FOXP2: variants seen among roughly 807,000 people sequenced by gnomAD.
FOXP2 encodes forkhead box protein P2.
FOXP2 carries 12 observed loss-of-function variants against 115.8 expected under a neutral mutation model. The observed-to-expected ratio is 0.10, with a 90% CI of 0.07 to 0.17. The LOEUF is 0.17. Ranked by LOEUF, FOXP2 falls within the 10% of genes least tolerant of loss-of-function variation. FOXP2 has a pLI of 1.00. For missense variants in FOXP2, 629 were observed against 843.5 expected, an observed-to-expected ratio of 0.75 and a Z score of 3.15; for synonymous variants, 328 against 297.7, an observed-to-expected ratio of 1.10 and a Z score of -1.05.
intron 1 of FOXP2, among the ~76,000 whole-genome samples, chr7:114,174,766 C>A (rs1182726391): frequency 6.6e-6 from 1 of 152,066 alleles, no homozygotes; most frequent in Non-Finnish European, 1.5e-5. Context: ...TAGCAAGGCA[C>A]CAGTTTCCTG....
intron 1 of FOXP2, among the ~76,000 whole-genome samples, chr7:114,142,651 C>T (rs1234378348): frequency 6.6e-6 from 1 of 152,070 alleles, no homozygotes; most frequent in Non-Finnish European, 1.5e-5. Context: ...TCATATTCAC[C>T]TTAAACTCAA....
chr7:114,411,181 G>A (rs1793154128), upstream of FOXP2, among the ~76,000 whole-genome samples: 1 of 152,166 alleles, frequency 6.6e-6, no homozygotes, highest in East Asian at 1.9e-4. Flanking sequence ...ATCGCCAAAG[G>A]TATACCATAT....
At chr7:114,243,863 G>A (rs1395663434) in intron 1 of FOXP2, among the ~76,000 whole-genome samples, 1 of 151,758 alleles carries the variant, frequency 6.6e-6, no homozygotes, top group African/African-American at 2.4e-5. Flanking sequence ...AAGTCACTGA[G>A]CCAGATGAAG....
At chr7:114,447,574 C>G (rs550737414) in intron 2 of FOXP2, among the ~76,000 whole-genome samples, 2 of 152,266 alleles carry the variant, frequency 1.3e-5, no homozygotes, top group East Asian at 1.9e-4. Flanking sequence ...GATCTCCTAA[C>G]AAGCTGTTTT....
At chr7:114,252,270 C>T (rs1390792194) in intron 1 of FOXP2, among the ~76,000 whole-genome samples, 1 of 152,116 alleles carries the variant, frequency 6.6e-6, no homozygotes, top group Admixed American at 6.5e-5. Flanking sequence ...CGTTGTGTGT[C>T]TGCCAGGCTT....
chr7:114,098,542 CCTTAT>C (rs1461094670), intron 1 of FOXP2, among the ~76,000 whole-genome samples: 1 of 151,944 alleles, frequency 6.6e-6, no homozygotes, highest in Non-Finnish European at 1.5e-5. Flanking sequence ...GAAATTGGAC[CCTTAT>C]CTTACACCAG....
chr7:114,134,062 A>G (rs1239710084), intron 1 of FOXP2, among the ~76,000 whole-genome samples: 1 of 152,226 alleles, frequency 6.6e-6, no homozygotes, highest in East Asian at 1.9e-4. Context: ...GAAGTGTGGT[A>G]TCCTGGAAGT....
intron 2 of FOXP2, among the ~76,000 whole-genome samples, chr7:114,334,206 C>G (rs1464324954): frequency 6.6e-6 from 1 of 152,000 alleles, no homozygotes. Flanking sequence ...AACTGTGTAT[C>G]ATTGAAAGTA....
At chr7:114,139,323 A>T (rs1792137769) in intron 1 of FOXP2, among the ~76,000 whole-genome samples, 2 of 152,182 alleles carry the variant, frequency 1.3e-5, no homozygotes, top group African/African-American at 4.8e-5. Context: ...CTCAGAGAAT[A>T]GTTGTTTTCG....
chr7:114,540,547 T>G (rs975461295), intron 3 of FOXP2, among the ~76,000 whole-genome samples: 2 of 152,052 alleles, frequency 1.3e-5, no homozygotes, highest in Admixed American at 6.6e-5. Flanking sequence ...GAGGAGATAT[T>G]CAGAGTTGCA....
intron 3 of FOXP2, among the ~76,000 whole-genome samples, chr7:114,537,166 T>G (rs1436869215): frequency 6.6e-6 from 1 of 151,634 alleles, no homozygotes; most frequent in Non-Finnish European, 1.5e-5. Context: ...AAAAGTTTTC[T>G]TATATAATTC....
At chr7:114,653,425 C>A in intron 9 of FOXP2, 1 of 193,504 alleles carries the variant, frequency 5.2e-6, no homozygotes, top group South Asian at 1.0e-4. Context: ...TTCACACTGC[C>A]TGGTCTCTGT....
chr7:114,354,778 T>C lies in FOXP2; in HGVS notation c.-11+66669T>C, dbSNP rs192293476. On this transcript the variant is annotated intron_variant, in intron 2 of 17. Transcript: ENST00000634411. ...GTTGTTTTTAATCTGTTAAAAGTTTTGAAATCACATATATGTGAAAAAAGG... is the reference window on the plus strand; with the variant it reads ...GTTGTTTTTAATCTGTTAAAAGTTTCGAAATCACATATATGTGAAAAAAGG... Among the ~76,000 whole-genome samples the C allele has an allele frequency of 2.0e-5, 3 of 152,308 alleles. No individual in the cohort carries two copies. The East Asian group carries it at 5.8e-4, about 29-fold the overall frequency.
At chr7:114,245,852 T>C (rs955125898) in intron 1 of FOXP2, among the ~76,000 whole-genome samples, 3 of 152,116 alleles carry the variant, frequency 2.0e-5, no homozygotes, top group Admixed American at 6.5e-5. Context: ...AAGTTTTTTT[T>C]CCTTGCGTAT....
At chr7:114,189,349 A>C (rs1013692094) in intron 1 of FOXP2, among the ~76,000 whole-genome samples, 2 of 152,170 alleles carry the variant, frequency 1.3e-5, no homozygotes, top group Non-Finnish European at 2.9e-5. Context: ...TTATACTTAA[A>C]ACATGTTTAT....
At chr7:114,250,784 A>G (rs992626220) in intron 1 of FOXP2, among the ~76,000 whole-genome samples, 10 of 152,294 alleles carry the variant, frequency 6.6e-5, no homozygotes, top group Admixed American at 2.0e-4. Context: ...TTTGCTGTGC[A>G]GAAGCTCTTT....
intron 1 of FOXP2, among the ~76,000 whole-genome samples, chr7:114,258,173 A>G (rs1026738192): frequency 7.9e-5 from 12 of 152,166 alleles, no homozygotes. Flanking sequence ...CACATTAGCA[A>G]TGATGGTGGC....
intron 2 of FOXP2, among the ~76,000 whole-genome samples, chr7:114,360,831 G>T (rs1173498536): frequency 2.6e-5 from 4 of 152,154 alleles, no homozygotes; most frequent in African/African-American, 7.2e-5. Context: ...AACTAATAAA[G>T]ATGAGCCGAA....
At chr7:114,577,659 G>GATTGTGAGATATTTTACAAT (rs1801643951) in intron 3 of FOXP2, among the ~76,000 whole-genome samples, 1 of 151,870 alleles carries the variant, frequency 6.6e-6, no homozygotes, top group Admixed American at 6.6e-5. Context: ...TTAAGAGAGA[G>GATTGTGAGATATTTTACAAT]ATTGTGAGAT....
Sources: gnomAD v4.1 joint callset for allele counts (sites outside exome capture counted in the v4.1 genomes callset) on GRCh38, gnomAD v4.1.1 for gene constraint, MANE v1.5 for transcripts, NCBI Gene and HGNC (gene_info 2026-07-23, HGNC 2026-07-21) for gene names.